The following GLIPR2 variants were observed in gnomAD, a reference collection of about 807,000 sequenced individuals.
GLIPR2 encodes GLI pathogenesis related 2, also known as Golgi-associated plant pathogenesis-related protein 1.
A neutral mutation model predicts 20.4 loss-of-function variants in GLIPR2; 21 were observed. That is an observed-to-expected ratio of 1.03 (90% confidence interval 0.73 to 1.48). The LOEUF is 1.48. Among genes scored for constraint, GLIPR2 ranks in the 40% most tolerant of loss-of-function variants. GLIPR2 has a pLI of 0.00. For missense variants in GLIPR2, 205 were observed against 200.1 expected, an observed-to-expected ratio of 1.02 and a Z score of -0.15; for synonymous variants, 91 against 80.5, an observed-to-expected ratio of 1.13 and a Z score of -0.70.
chr9:36,136,639 C>A (rs1181330881), upstream of GLIPR2: 4 of 582,540 alleles, frequency 6.9e-6, no homozygotes, highest in East Asian at 3.9e-5. This position sits in a 1 kb window ranked among gnomAD's most constrained non-coding sequence, Gnocchi z 4.3. Flanking sequence ...CCTCAGCTGT[C>A]GCTCCTTATA....
intron 3 of GLIPR2, 41 bp downstream of exon 3, chr9:36,148,691 G>A (rs1825446348): frequency 1.4e-6 from 2 of 1,384,748 alleles, no homozygotes; most frequent in African/African-American, 1.4e-5. Flanking sequence ...TGCGGGAGCT[G>A]GAAGAAGGAC....
intron 1 of GLIPR2, among the ~76,000 whole-genome samples, chr9:36,138,032 A>T (rs1824906208): frequency 6.6e-6 from 1 of 152,220 alleles, no homozygotes. Flanking sequence ...GGGTGGCCGT[A>T]TGAGCCCTGG....
At chr9:36,137,874 G>T (rs2132702079) in intron 1 of GLIPR2, among the ~76,000 whole-genome samples, 1 of 152,362 alleles carries the variant, frequency 6.6e-6, no homozygotes, top group Non-Finnish European at 1.5e-5. Flanking sequence ...CCAGCGCTGG[G>T]CGCAAGTGGC....
intron 4 of GLIPR2, among the ~76,000 whole-genome samples, chr9:36,156,384 C>T (rs12336167): frequency 0.031 from 1,247 of 39,838 alleles, 25 homozygotes; most frequent in African/African-American, 0.098. Context: ...GAAGCCATGT[C>T]TAAAAAAAAA....
intron 1 of GLIPR2, among the ~76,000 whole-genome samples, chr9:36,145,300 C>T (rs191242001): frequency 2.9e-4 from 44 of 152,360 alleles, no homozygotes; most frequent in Non-Finnish European, 5.1e-4. Flanking sequence ...ATTTCTGGGG[C>T]CTCATATTGG....
chr9:36,154,627 C>T (rs1017259174), intron 4 of GLIPR2, among the ~76,000 whole-genome samples: 11 of 152,120 alleles, frequency 7.2e-5, no homozygotes, highest in African/African-American at 2.7e-4. Flanking sequence ...GAAAAAGGAA[C>T]CTTCGTTAGT....
rs1826105752 is a variant in GLIPR2, at chr9:36,162,594, G to T, written c.*72G>T. 1 of 1,477,614 alleles carries T rather than the reference G, an allele frequency of 6.8e-7. No individual in the cohort carries two copies. Among genetic ancestry groups the T allele is most frequent in the Non-Finnish European group, 9.3e-7 (1 of 1,074,870 alleles). 91.5% of individuals were successfully genotyped at this position (1,477,614 alleles called of 1,614,324 possible). On this transcript the variant is annotated 3_prime_UTR_variant, in exon 5 of 5. Coordinates refer to ENST00000377960, the MANE Select transcript of GLIPR2 (RefSeq NM_022343.4). ...GAAGTGCCTAGAACCACCACAACCT[G>T]GCTGTGCGTCTGTCCCTGTGGGTGT...
At chr9:36,156,149 T>G (rs1323307419) in intron 4 of GLIPR2, among the ~76,000 whole-genome samples, 1 of 151,960 alleles carries the variant, frequency 6.6e-6, no homozygotes, top group Non-Finnish European at 1.5e-5. Context: ...GGCGAAGGTT[T>G]CAGTAAGCCA....
rs761576135 is a variant in GLIPR2 at position 36,162,206 on chromosome 9, G to A, written c.305-156G>A. The A allele has an allele frequency of 1.9e-6, 3 of 1,540,890 alleles. No homozygotes were observed. In the Admixed American group the frequency reaches 6.0e-5, roughly 31 times the overall value. Reference sequence around the variant, plus strand: ...AAAAAAAAGAAGTCAGGCAGTCAGAGTGTTTTCTCTCTCCTTCCCCTGCAG... The same window carrying A: ...AAAAAAAAGAAGTCAGGCAGTCAGAATGTTTTCTCTCTCCTTCCCCTGCAG... On this transcript the variant is annotated intron_variant, in intron 4 of 4. Transcript: ENST00000377960.
chr9:36,151,699 G>T (rs948770782), intron 4 of GLIPR2, among the ~76,000 whole-genome samples: 8 of 152,116 alleles, frequency 5.3e-5, no homozygotes, highest in Non-Finnish European at 1.2e-4. Context: ...CTTCTCAAAG[G>T]CTTCCCTTGA....
At chr9:36,147,976 G>A (rs998710269) in intron 2 of GLIPR2, 82 bp downstream of exon 2, 20 of 776,930 alleles carry the variant, frequency 2.6e-5, no homozygotes, top group African/African-American at 3.4e-5. Context: ...GGCCAGGCAC[G>A]ATGGCTCACA....
At chr9:36,148,980 G>T (rs1009935566) in intron 3 of GLIPR2, among the ~76,000 whole-genome samples, 27 of 152,322 alleles carry the variant, frequency 1.8e-4, no homozygotes, top group African/African-American at 6.0e-4. Flanking sequence ...GCCTGATTCT[G>T]TGTCCACCAG....
intron 4 of GLIPR2, among the ~76,000 whole-genome samples, chr9:36,153,342 C>T (rs1349712852): frequency 6.6e-6 from 1 of 152,194 alleles, no homozygotes; most frequent in Non-Finnish European, 1.5e-5. Flanking sequence ...CTACTGTCCC[C>T]ACCCCTAAAG....
intron 4 of GLIPR2, among the ~76,000 whole-genome samples, chr9:36,154,076 TTATATATTATATA>T (rs1563886331): frequency 1.6e-5 from 2 of 126,302 alleles, no homozygotes; most frequent in East Asian, 4.2e-4. Context: ...ATATTATATA[TTATATATTATATA>T]TATATATCTT....
intron 1 of GLIPR2, among the ~76,000 whole-genome samples, chr9:36,142,578 C>T (rs1006891649): frequency 1.3e-5 from 2 of 152,180 alleles, no homozygotes; most frequent in African/African-American, 2.4e-5. Flanking sequence ...ACTCTGAGGC[C>T]GTGTGGACTT....
Position 36,148,640 on chromosome 9 carries a change from T to C in GLIPR2, c.216T>C (p.Tyr72=). Residue 72 remains tyrosine (Y), a synonymous_variant, in exon 3 of 5, where the codon TAT becomes TAC. Coordinates refer to ENST00000377960, the MANE Select transcript of GLIPR2 (RefSeq NM_022343.4). ...GGGAGAACCTTGCATGGGCATCCTA[T>C]GATCAGACAGGTGGGTCGCATTTTC... ...QCGENLAWAS[Y]DQTGKEVADR... is the part of the protein sequence containing the mutation. 2 of 1,610,916 alleles carry C rather than the reference T, an allele frequency of 1.2e-6. No individual in the cohort carries two copies. The highest frequency in any genetic ancestry group is 1.7e-5 in the Admixed American group (1 of 59,974).
chr9:36,136,635 C>A (rs1824826014), upstream of GLIPR2: 1 of 557,512 alleles, frequency 1.8e-6, no homozygotes. The surrounding 1 kb of genome is among the most constrained non-coding windows in gnomAD (Gnocchi z 4.3). Context: ...CCGCCCTCAG[C>A]TGTCGCTCCT....
Position 36,162,560 on chromosome 9 carries a change from C to T in GLIPR2, c.*38C>T, listed in dbSNP as rs756387879. Reference sequence around the variant, plus strand: ...AATGGGAAGGTGGCAGACTTAAGAACGTGGATATGAAGTGCCTAGAACCAC... The same window carrying T: ...AATGGGAAGGTGGCAGACTTAAGAATGTGGATATGAAGTGCCTAGAACCAC... On this transcript the variant is annotated 3_prime_UTR_variant, in exon 5 of 5. Coordinates refer to ENST00000377960, the MANE Select transcript of GLIPR2 (RefSeq NM_022343.4). 84 of 1,605,032 alleles carry T rather than the reference C, an allele frequency of 5.2e-5. 1 individual carries two copies. The highest frequency in any genetic ancestry group is 5.1e-4 in the Admixed American group (30 of 58,726).
rs542624359 is a variant in GLIPR2 at position 36,142,623 on chromosome 9, C to T, written c.14-5163C>T. 3.4e-4 allele frequency among the ~76,000 whole-genome samples: 52 copies of T among 152,270 alleles called. No individual in the cohort carries two copies. In the East Asian group the frequency reaches 6.6e-3, roughly 19 times the overall value. On this transcript the variant is annotated intron_variant, in intron 1 of 4. Transcript: ENST00000377960. ...AGTTTACCCTCCTACAAAATAAGGA[C>T]GTCATCCCTGCCCTTCCCCCATCGT... is the stretch of plus-strand genomic sequence containing the variant.
Sources: allele counts gnomAD v4.1 joint callset (sites outside exome capture counted in the v4.1 genomes callset), GRCh38; gene constraint gnomAD v4.1.1; non-coding constraint Gnocchi (gnomAD v3.1); transcripts MANE v1.5; gene names NCBI Gene and HGNC (gene_info 2026-07-23, HGNC 2026-07-21).